The following BRWD1 variants were observed in gnomAD, a reference collection of about 807,000 sequenced individuals.
The protein encoded by BRWD1 is bromodomain and WD repeat-containing protein 1.
A neutral mutation model predicts 251.2 loss-of-function variants in BRWD1; 82 were observed. That is an observed-to-expected ratio of 0.33 (90% CI 0.27 to 0.39). The LOEUF (loss-of-function observed/expected upper bound fraction) is 0.39. BRWD1 is among the 10% of genes least tolerant of loss of function. The pLI is 1.00. For synonymous variants in BRWD1, 918 were observed against 902.8 expected, an observed-to-expected ratio of 1.02 and a Z score of -0.30; for missense variants, 2,233 against 2,711.6, an observed-to-expected ratio of 0.82 and a Z score of 3.92.
chr21:39,319,514 C>T (rs747947227), intron 1 of BRWD1, among the ~76,000 whole-genome samples: 2 of 152,202 alleles, frequency 1.3e-5, no homozygotes. Context: ...GTTGGGCAAC[C>T]TCTTGGCTCG....
At chr21:39,316,617 C>T (rs2036701347), upstream of BRWD1, among the ~76,000 whole-genome samples, 1 of 152,216 alleles carries the variant, frequency 6.6e-6, no homozygotes, top group Non-Finnish European at 1.5e-5. Context: ...GATACTGGCA[C>T]CATGATAACC....
intron 7 of BRWD1, among the ~76,000 whole-genome samples, chr21:39,295,188 T>G (rs1049822084): frequency 9.1e-5 from 12 of 131,778 alleles, no homozygotes; most frequent in African/African-American, 2.0e-4. Flanking sequence ...TTTTTTTTTT[T>G]TTTTTTTTTT....
intron 4 of BRWD1, among the ~76,000 whole-genome samples, chr21:39,306,163 G>A (rs1273903809): frequency 2.7e-5 from 4 of 150,358 alleles, no homozygotes; most frequent in African/African-American, 4.9e-5. Context: ...TCTGCTTCCC[G>A]GGTTCAAGTG....
intron 4 of BRWD1, among the ~76,000 whole-genome samples, chr21:39,308,745 A>G (rs569667491): frequency 6.6e-6 from 1 of 152,328 alleles, no homozygotes; most frequent in South Asian, 2.1e-4. Flanking sequence ...ACCACTAAGA[A>G]AAAGGAACAA....
In BRWD1 at chr21:39,270,285, T is replaced by C. The variant is rs774345085; in HGVS notation, c.1393A>G (p.Met465Val). 3.8e-6 allele frequency: 6 copies of C among 1,570,668 alleles called. No homozygotes were observed. The highest frequency in any genetic ancestry group is 4.6e-5 in the East Asian group (2 of 43,740). The change falls in exon 14 of 41, where the codon ATG becomes GTG. Residue 465 changes from methionine to valine, a missense_variant and splice_region_variant. By Grantham distance (21) the Met-to-Val change is conservative. Transcript: ENST00000342449. ...SYTGQLLHNL[M>V]GHADEVFVLE... ...ACACTGTACCAGAAATTACCTACCA[T>C]TAAGTTATGAAGCAGTTGTCCAGTG...
chr21:39,190,022 G>A lies in BRWD1; in HGVS notation c.*6237C>T, dbSNP rs2031464621. 1.0e-6 allele frequency: 1 copy of A among 985,232 alleles called. No individual in the cohort carries two copies. Among genetic ancestry groups the A allele is most frequent in the Non-Finnish European group, 1.2e-6 (1 of 829,906 alleles). The allele number at this position is 985,232 out of a possible 1,614,324, so 61.0% of individuals were successfully genotyped here. On this transcript the variant is annotated 3_prime_UTR_variant, in exon 41 of 41. Transcript: ENST00000342449. ...GTGATTCCCTACTTGGGTATGGCAA[G>A]AACACATCAGTAGTGTAAAACTGTA...
intron 25 of BRWD1, among the ~76,000 whole-genome samples, chr21:39,230,980 C>A (rs551782024): frequency 1.3e-5 from 2 of 151,978 alleles, no homozygotes; most frequent in African/African-American, 4.8e-5. Flanking sequence ...AATACAGAAT[C>A]CAAGAATAAT....
rs375322159 is a variant in BRWD1, at chr21:39,275,379, T to G, written c.1145+794A>C. On this transcript the variant is annotated intron_variant, in intron 12 of 40. Transcript: ENST00000342449. ...TTTAATGATCCTTACACATAATTTT[T>G]TCAGTAAATCAGACATCTAGCCAAA... Among the ~76,000 whole-genome samples, 6 of 152,300 alleles carry G rather than the reference T, an allele frequency of 3.9e-5. No individual in the cohort carries two copies. The East Asian group carries it at 9.7e-4, about 25-fold the overall frequency.
intron 13 of BRWD1, among the ~76,000 whole-genome samples, chr21:39,273,806 G>A (rs75402414): frequency 0.015 from 2,313 of 152,166 alleles, 58 homozygotes; most frequent in African/African-American, 0.053. Flanking sequence ...ACAAAATGTG[G>A]AAACGTTTCT....
chr21:39,302,032 G>C (rs1857931058), intron 4 of BRWD1, among the ~76,000 whole-genome samples: 1 of 132,256 alleles, frequency 7.6e-6, no homozygotes, highest in Non-Finnish European at 1.5e-5. Context: ...GTCCAGGCTG[G>C]AGTGTAGTGG....
At chr21:39,253,286 CAAAAAAAAA>C (rs57456792) in intron 19 of BRWD1, among the ~76,000 whole-genome samples, 10 of 83,804 alleles carry the variant, frequency 1.2e-4, no homozygotes, top group Non-Finnish European at 2.0e-4. Flanking sequence ...GAAACTGTCT[CAAAAAAAAA>C]AAAAAAAAAA....
At chr21:39,293,335 A>T (rs1377155707) in intron 8 of BRWD1, among the ~76,000 whole-genome samples, 1 of 152,076 alleles carries the variant, frequency 6.6e-6, no homozygotes, top group East Asian at 1.9e-4. Flanking sequence ...TCTACTAAAA[A>T]TACAAAAATT....
At chr21:39,260,510 T>A (rs1293274119) in intron 17 of BRWD1, among the ~76,000 whole-genome samples, 1 of 152,188 alleles carries the variant, frequency 6.6e-6, no homozygotes, top group African/African-American at 2.4e-5. Flanking sequence ...ACTGTCTCTA[T>A]GGAATAATAC....
At chr21:39,299,182 C>T (rs2036038229) in intron 4 of BRWD1, among the ~76,000 whole-genome samples, 1 of 151,844 alleles carries the variant, frequency 6.6e-6, no homozygotes, top group Admixed American at 6.6e-5. Flanking sequence ...GGGATCGTGC[C>T]ATTGCACTCT....
At chr21:39,304,457 T>C (rs2036221259) in intron 4 of BRWD1, among the ~76,000 whole-genome samples, 1 of 151,730 alleles carries the variant, frequency 6.6e-6, no homozygotes, top group South Asian at 2.1e-4. Flanking sequence ...AAAAAAAATT[T>C]TTTTTAATTA....
chr21:39,236,191 GGC>G (rs1470985886), intron 23 of BRWD1, among the ~76,000 whole-genome samples: 1 of 152,108 alleles, frequency 6.6e-6, no homozygotes, highest in Non-Finnish European at 1.5e-5. Flanking sequence ...GGGAGACCAG[GGC>G]CCCAGTCCTG....
Position 39,277,781 on chromosome 21 carries a change from G to C in BRWD1, c.1004-430C>G, listed in dbSNP as rs534902870. 7.9e-5 allele frequency among the ~76,000 whole-genome samples: 12 copies of C among 152,174 alleles called. No individual in the cohort carries two copies. In the East Asian group the frequency reaches 2.3e-3, roughly 29 times the overall value. On this transcript the variant is annotated intron_variant, in intron 10 of 40. Transcript: ENST00000342449. ...GGGTCTCACCATGTTGGTCAGGATG[G>C]TCTCGAACTCCTGACCTCAGGTGAT... is the stretch of plus-strand genomic sequence containing the variant.
chr21:39,304,141 C>CAAA (rs56990201), intron 4 of BRWD1, among the ~76,000 whole-genome samples: 7,946 of 117,252 alleles, frequency 0.068, 390 homozygotes, highest in Non-Finnish European at 0.1. Context: ...AACTCTTTCT[C>CAAA]AAAAAAAAAA....
chr21:39,286,791 G>T (rs1202940220), intron 8 of BRWD1, among the ~76,000 whole-genome samples: 1 of 152,160 alleles, frequency 6.6e-6, no homozygotes, highest in Non-Finnish European at 1.5e-5. Context: ...TAGGATTGCA[G>T]ACGTGAGCCA....
Sources: gnomAD v4.1 joint callset for allele counts (sites outside exome capture counted in the v4.1 genomes callset) on GRCh38, gnomAD v4.1.1 for gene constraint, MANE v1.5 for transcripts, NCBI Gene and HGNC (gene_info 2026-07-23, HGNC 2026-07-21) for gene names.